SPON1: variants seen among roughly 807,000 people sequenced by gnomAD.
The protein encoded by SPON1 is spondin-1.
Under a neutral mutation model 111.7 loss-of-function variants are expected in SPON1, and 52 were observed. The observed-to-expected ratio is 0.47, with a 90% CI of 0.37 to 0.59. The LOEUF is 0.59. Ranked by LOEUF, SPON1 falls within the 20% of genes least tolerant of loss-of-function variation. The pLI is 0.00. For synonymous variants in SPON1, 410 were observed against 395.8 expected (o/e 1.04, Z -0.43); for missense variants, 957 against 1,068.5 (o/e 0.90, Z 1.46).
chr11:14,053,819 G>A (rs1263125754), intron 3 of SPON1, among the ~76,000 whole-genome samples: 1 of 152,178 alleles, frequency 6.6e-6, no homozygotes. Context: ...AAAATGGGTT[G>A]ATTAGATCTT....
intron 6 of SPON1, among the ~76,000 whole-genome samples, chr11:14,178,780 C>T (rs1185916251): frequency 6.7e-6 from 1 of 150,028 alleles, no homozygotes; most frequent in East Asian, 2.0e-4. Flanking sequence ...ATTACACATC[C>T]CTCATTTATC....
intron 1 of SPON1, among the ~76,000 whole-genome samples, chr11:13,979,352 A>T (rs1215001993): frequency 1.3e-5 from 2 of 152,228 alleles, no homozygotes; most frequent in East Asian, 3.9e-4. Context: ...ATCTTAACAA[A>T]CTGCATCTGC....
chr11:14,165,435 A>G (rs987157478), intron 6 of SPON1, among the ~76,000 whole-genome samples: 4 of 152,110 alleles, frequency 2.6e-5, no homozygotes, highest in South Asian at 2.1e-4. Flanking sequence ...CCACTTTGCA[A>G]TTGTCTGAGT....
intron 6 of SPON1, among the ~76,000 whole-genome samples, chr11:14,238,660 C>T (rs149650421): frequency 2.3e-4 from 35 of 152,154 alleles, no homozygotes; most frequent in Non-Finnish European, 1.2e-4. Context: ...CACATGAACC[C>T]GCTTCCCTCC....
intron 11 of SPON1, among the ~76,000 whole-genome samples, chr11:14,258,522 A>G (rs1327230203): frequency 6.6e-6 from 1 of 152,210 alleles, no homozygotes; most frequent in Non-Finnish European, 1.5e-5. Flanking sequence ...TGCCTGATAG[A>G]TCTACGCTAT....
rs1554907657 is a variant in SPON1, at chr11:13,962,992, T to G, written c.88T>G (p.Ser30Ala). 9 of 1,595,546 alleles carry G rather than the reference T, an allele frequency of 5.6e-6. No individual in the cohort carries two copies. The highest frequency in any genetic ancestry group is 1.7e-4 in the Middle Eastern group (1 of 6,054). ...ALPLAAALAFSDETLDKVPKS... is the reference protein window; with the variant it reads ...ALPLAAALAFADETLDKVPKS... ...GCCCCTGGCCGCGGCGCTGGCCTTC[T>G]CCGACGAGACCCTGGACAAAGTGCC... Residue 30 changes from serine to alanine, a missense_variant, in exon 1 of 16, where the codon TCC (serine) becomes GCC (alanine). Around this residue, in one of 5 missense-constraint regions of SPON1, gnomAD observed 262 missense variants for 253.9 expected, o/e 1.03. Transcript: ENST00000576479.
At chr11:14,086,683 G>T (rs115129756) in intron 5 of SPON1, among the ~76,000 whole-genome samples, 5 of 151,936 alleles carry the variant, frequency 3.3e-5, no homozygotes, top group African/African-American at 1.2e-4. Flanking sequence ...GGAGGAGTTC[G>T]TCTTTTTCTG....
chr11:14,263,231 AAAAT>A (rs1402108446), intron 15 of SPON1, among the ~76,000 whole-genome samples: 1 of 152,176 alleles, frequency 6.6e-6, no homozygotes, highest in African/African-American at 2.4e-5. Flanking sequence ...TTACCTGCCA[AAAAT>A]AAATTTTCAA....
intron 3 of SPON1, among the ~76,000 whole-genome samples, chr11:14,062,482 G>A (rs782541773): frequency 6.6e-6 from 1 of 152,168 alleles, no homozygotes; most frequent in Non-Finnish European, 1.5e-5. Flanking sequence ...CGCAAACTGG[G>A]CCAATCAGTG....
chr11:14,051,320 A>T (rs1554918562), intron 3 of SPON1, among the ~76,000 whole-genome samples: 1 of 152,178 alleles, frequency 6.6e-6, no homozygotes, highest in African/African-American at 2.4e-5. Context: ...GGATCGTTTG[A>T]GTCCAGGACT....
intron 6 of SPON1, among the ~76,000 whole-genome samples, chr11:14,241,690 G>A (rs1227876169): frequency 6.6e-6 from 1 of 152,130 alleles, no homozygotes. Flanking sequence ...CATGGAGCTG[G>A]CACTCAGGAG....
intron 2 of SPON1, among the ~76,000 whole-genome samples, chr11:13,996,880 C>T (rs544962506): frequency 4.0e-5 from 6 of 151,862 alleles, no homozygotes; most frequent in Non-Finnish European, 8.8e-5. Context: ...CTTTGTAATA[C>T]TCCATCATAC....
intron 1 of SPON1, among the ~76,000 whole-genome samples, chr11:13,976,818 G>A (rs1479661726): frequency 1.3e-5 from 2 of 152,182 alleles, no homozygotes; most frequent in Non-Finnish European, 2.9e-5. Flanking sequence ...TAGCTCTTCA[G>A]CAGCATCCCT....
chr11:14,247,887 C>G (rs529136612), intron 7 of SPON1, among the ~76,000 whole-genome samples: 1 of 152,284 alleles, frequency 6.6e-6, no homozygotes, highest in South Asian at 2.1e-4. Context: ...GGCAAGAATT[C>G]TGCACTGAGA....
At chr11:14,253,815 T>C (rs1591428223) in intron 7 of SPON1, among the ~76,000 whole-genome samples, 1 of 152,182 alleles carries the variant, frequency 6.6e-6, no homozygotes, top group Admixed American at 6.5e-5. Context: ...CCCCACAGGA[T>C]TGTCATGAGG....
chr11:14,000,331 GCAAT>G (rs1478784226), intron 2 of SPON1, among the ~76,000 whole-genome samples: 1 of 152,002 alleles, frequency 6.6e-6, no homozygotes, highest in Non-Finnish European at 1.5e-5. Flanking sequence ...ATTTTATAAA[GCAAT>G]ACCCTCATCA....
intron 6 of SPON1, among the ~76,000 whole-genome samples, chr11:14,207,747 T>C (rs1432183876): frequency 6.6e-6 from 1 of 152,020 alleles, no homozygotes; most frequent in East Asian, 1.9e-4. Context: ...GCTTATACAC[T>C]ATTGGTGGGA....
At chr11:13,963,170 G>A in intron 1 of SPON1, 28 bp downstream of exon 1, 1 of 1,458,670 alleles carries the variant, frequency 6.9e-7, no homozygotes, top group Non-Finnish European at 9.1e-7. Context: ...GTGGCATTAG[G>A]AGAGCGGGAC....
At chr11:14,130,943 G>A (rs539908510) in intron 5 of SPON1, among the ~76,000 whole-genome samples, 2 of 152,096 alleles carry the variant, frequency 1.3e-5, no homozygotes, top group Non-Finnish European at 2.9e-5. Context: ...TAAGCACAGT[G>A]TCAGAATAAC....
Sources: allele counts gnomAD v4.1 joint callset (sites outside exome capture counted in the v4.1 genomes callset), GRCh38; gene constraint gnomAD v4.1.1; regional missense constraint gnomAD v4.1.1; transcripts MANE v1.5; gene names NCBI Gene and HGNC (gene_info 2026-07-23, HGNC 2026-07-21).